The following ATF7IP variants were observed in gnomAD, a reference collection of about 807,000 sequenced individuals.
The protein encoded by ATF7IP is activating transcription factor 7 interacting protein, also known as activating transcription factor 7-interacting protein 1.
A neutral mutation model predicts 106.4 loss-of-function variants in ATF7IP; 23 were observed. The observed-to-expected ratio is 0.22, with a 90% CI of 0.16 to 0.31. The LOEUF (loss-of-function observed/expected upper bound fraction) is 0.31, where lower values mean the gene tolerates loss of function less well. Ranked by LOEUF, ATF7IP falls within the 10% of genes least tolerant of loss-of-function variation. The pLI, the probability that ATF7IP is intolerant of heterozygous loss-of-function variation, is 1.00. For synonymous variants in ATF7IP, 542 were observed against 539.0 expected (o/e 1.01, Z -0.08); for missense variants, 1,334 against 1,524.3 (o/e 0.88, Z 2.08).
intron 5 of ATF7IP, among the ~76,000 whole-genome samples, chr12:14,439,902 GACACCTATCATCTC>G (rs1406415594): frequency 1.3e-5 from 2 of 151,070 alleles, no homozygotes; most frequent in Non-Finnish European, 3.0e-5. Context: ...AACAGTTTTC[GACACCTATCATCTC>G]ACACATAAGG....
chr12:14,475,155 G>T (rs1944213665), intron 10 of ATF7IP, among the ~76,000 whole-genome samples: 2 of 152,090 alleles, frequency 1.3e-5, no homozygotes, highest in Admixed American at 6.6e-5. Context: ...ATCATATATG[G>T]TGTTAAGCAC....
At chr12:14,412,792 T>G (rs1262166890) in intron 1 of ATF7IP, among the ~76,000 whole-genome samples, 2 of 152,088 alleles carry the variant, frequency 1.3e-5, no homozygotes, top group African/African-American at 4.8e-5. Context: ...GGCAGGTGGA[T>G]CACCTGAGCT....
At chr12:14,490,970 C>T (rs1944797270) in intron 13 of ATF7IP, among the ~76,000 whole-genome samples, 1 of 152,158 alleles carries the variant, frequency 6.6e-6, no homozygotes, top group South Asian at 2.1e-4. Flanking sequence ...AGGCCAAGAG[C>T]TGTCTCTCAA....
At chr12:14,381,577 C>CTTATTTCTCTCTGTTTTT (rs1939003547) in intron 1 of ATF7IP, among the ~76,000 whole-genome samples, 1 of 152,012 alleles carries the variant, frequency 6.6e-6, no homozygotes, top group Non-Finnish European at 1.5e-5. Flanking sequence ...GCTGTTACCT[C>CTTATTTCTCTCTGTTTTT]TTATTTCTCT....
chr12:14,372,509 C>G (rs1431085504), intron 1 of ATF7IP, among the ~76,000 whole-genome samples: 1 of 150,952 alleles, frequency 6.6e-6, no homozygotes, highest in African/African-American at 2.4e-5. Flanking sequence ...TTATACCTTC[C>G]TGAGAGTCTT....
chr12:14,435,364 A>G (rs1378829810), intron 3 of ATF7IP, among the ~76,000 whole-genome samples: 1 of 152,188 alleles, frequency 6.6e-6, no homozygotes, highest in African/African-American at 2.4e-5. Flanking sequence ...AAGTAGGCAT[A>G]TAGATACAGA....
intron 13 of ATF7IP, among the ~76,000 whole-genome samples, chr12:14,490,854 C>G (rs1240162462): frequency 1.3e-5 from 2 of 152,152 alleles, no homozygotes; most frequent in Admixed American, 6.5e-5. Flanking sequence ...GTGCATGACC[C>G]ACTTTATGGC....
intron 6 of ATF7IP, among the ~76,000 whole-genome samples, chr12:14,455,779 G>T (rs553835177): frequency 1.7e-4 from 26 of 151,924 alleles, no homozygotes; most frequent in Non-Finnish European, 3.2e-4. Flanking sequence ...TAGAGATGGG[G>T]TTTTGCTACG....
chr12:14,487,088 C>T (rs1944644885), intron 13 of ATF7IP, among the ~76,000 whole-genome samples: 1 of 151,442 alleles, frequency 6.6e-6, no homozygotes, highest in African/African-American at 2.4e-5. Flanking sequence ...TCTTTTAATC[C>T]TTATTTCAAC....
intron 1 of ATF7IP, chr12:14,419,174 A>G (rs1410844948): frequency 6.6e-6 from 1 of 152,144 alleles, no homozygotes; most frequent in Non-Finnish European, 1.5e-5. Flanking sequence ...AGGTGTTGGT[A>G]TTAGTCCCTT....
At chr12:14,392,336 T>A (rs1401163469) in intron 1 of ATF7IP, among the ~76,000 whole-genome samples, 3 of 152,070 alleles carry the variant, frequency 2.0e-5, no homozygotes, top group Admixed American at 6.5e-5. Flanking sequence ...GAGGGCGTAT[T>A]TAGGGGCCTG....
Position 14,481,203 on chromosome 12 carries a change from T to G in ATF7IP, c.3280+18T>G. ...CCAAAATAGTAAGAGATTTTTCTTG[T>G]ATATGGCCCCAAGATACATGTAGTT... On this transcript the variant is annotated intron_variant, in intron 13 of 14. Transcript: ENST00000261168. 1.2e-6 allele frequency: 2 copies of G among 1,612,382 alleles called. No homozygotes were observed.
chr12:14,420,707 T>C (rs1941463064), intron 1 of ATF7IP, among the ~76,000 whole-genome samples: 1 of 152,236 alleles, frequency 6.6e-6, no homozygotes, highest in African/African-American at 2.4e-5. Context: ...GGTTGCACAG[T>C]GACCTTGTCT....
intron 13 of ATF7IP, among the ~76,000 whole-genome samples, chr12:14,484,914 G>A (rs1275688065): frequency 2.0e-5 from 3 of 152,102 alleles, no homozygotes; most frequent in Non-Finnish European, 4.4e-5. Flanking sequence ...GTCACATGGT[G>A]ACTTGATGAC....
rs1054439575 is a variant in ATF7IP at position 14,453,525 on chromosome 12, C to T, written c.1996-3036C>T. On this transcript the variant is annotated intron_variant, in intron 6 of 14. Transcript: ENST00000261168. ...CAGCTTTTTAATTTGTATTATGATACGTTTTTACAGTTTCTCTTTGTTGAT... is the reference window on the plus strand; with the variant it reads ...CAGCTTTTTAATTTGTATTATGATATGTTTTTACAGTTTCTCTTTGTTGAT... Among the ~76,000 whole-genome samples, 14 of 152,054 alleles carry T rather than the reference C, an allele frequency of 9.2e-5. 1 individual carries two copies. In the South Asian group the frequency reaches 1.2e-3, roughly 14 times the overall value.
intron 12 of ATF7IP, among the ~76,000 whole-genome samples, chr12:14,480,766 T>G (rs1391719718): frequency 6.6e-6 from 1 of 152,084 alleles, no homozygotes; most frequent in Non-Finnish European, 1.5e-5. Flanking sequence ...CAAACCAGAG[T>G]GGGAAGGGAA....
chr12:14,469,415 CT>C (rs1943956792), intron 10 of ATF7IP, among the ~76,000 whole-genome samples: 2 of 149,018 alleles, frequency 1.3e-5, no homozygotes, highest in Admixed American at 1.3e-4. Flanking sequence ...TGCTTGTGAG[CT>C]GTAGTTAATT....
intron 1 of ATF7IP, among the ~76,000 whole-genome samples, chr12:14,415,728 A>G (rs1344460536): frequency 7.4e-5 from 11 of 148,744 alleles, no homozygotes; most frequent in East Asian, 5.9e-4. Context: ...ATAGCTAGTG[A>G]CAGTTATTTT....
At chr12:14,449,841 T>A (rs926839964) in intron 6 of ATF7IP, among the ~76,000 whole-genome samples, 12 of 152,148 alleles carry the variant, frequency 7.9e-5, no homozygotes, top group African/African-American at 2.9e-4. Context: ...AGGATGTCTT[T>A]TCACTTATTT....
Sources: gnomAD v4.1 joint callset for allele counts (sites outside exome capture counted in the v4.1 genomes callset) on GRCh38, gnomAD v4.1.1 for gene constraint, MANE v1.5 for transcripts, NCBI Gene and HGNC (gene_info 2026-07-23, HGNC 2026-07-21) for gene names.